The following TSPAN5 variants were observed in gnomAD, a reference collection of about 807,000 sequenced individuals.
TSPAN5 encodes the protein tetraspanin 5.
Under a neutral mutation model 37.1 loss-of-function variants are expected in TSPAN5, and 10 were observed. The observed-to-expected ratio is 0.27, with a 90% CI of 0.17 to 0.46. The LOEUF is 0.46. Among genes scored for constraint, TSPAN5 ranks in the 20% least tolerant of loss-of-function variants. The pLI is 1.00. For synonymous variants in TSPAN5, 110 were observed against 118.9 expected (o/e 0.93, Z 0.48); for missense variants, 195 against 326.6 (o/e 0.60, Z 3.11).
chr4:98,626,744 C>T (rs1007781510), intron 1 of TSPAN5, among the ~76,000 whole-genome samples: 1 of 152,120 alleles, frequency 6.6e-6, no homozygotes, highest in Non-Finnish European at 1.5e-5. Flanking sequence ...TTATCAAGAA[C>T]CTGCCCATCC....
At chr4:98,486,623 C>A in intron 3 of TSPAN5, 115 bp downstream of exon 3, 1 of 1,183,488 alleles carries the variant, frequency 8.4e-7, no homozygotes, top group East Asian at 2.4e-5. Context: ...GACCTGGGCC[C>A]TACTTTGGCC....
At chr4:98,634,635 A>G (rs927224438) in intron 1 of TSPAN5, among the ~76,000 whole-genome samples, 34 of 152,356 alleles carry the variant, frequency 2.2e-4, no homozygotes, top group African/African-American at 6.7e-4. Context: ...TATAATATAT[A>G]CCACCTCCTT....
chr4:98,588,069 C>T (rs1257063770), intron 1 of TSPAN5, among the ~76,000 whole-genome samples: 3 of 152,144 alleles, frequency 2.0e-5, no homozygotes, highest in Non-Finnish European at 4.4e-5. Context: ...GCCATCCTCC[C>T]GCCCTGCACA....
intron 2 of TSPAN5, among the ~76,000 whole-genome samples, chr4:98,487,264 A>G (rs577736697): frequency 3.3e-5 from 5 of 150,802 alleles, no homozygotes; most frequent in African/African-American, 1.2e-4. Context: ...AGAAAAGAAG[A>G]GCCCAAGAAA....
At chr4:98,633,125 A>G (rs1175707376) in intron 1 of TSPAN5, among the ~76,000 whole-genome samples, 1 of 152,192 alleles carries the variant, frequency 6.6e-6, no homozygotes, top group Non-Finnish European at 1.5e-5. Context: ...TGAGAGGGTT[A>G]CCAAGATTCT....
chr4:98,538,125 T>C (rs947771905), intron 1 of TSPAN5, among the ~76,000 whole-genome samples: 2 of 152,198 alleles, frequency 1.3e-5, no homozygotes, highest in Admixed American at 6.5e-5. Context: ...AAGGCTCAGG[T>C]TCCCCAAACT....
At chr4:98,551,249 T>C (rs1165244703) in intron 1 of TSPAN5, among the ~76,000 whole-genome samples, 23 of 152,152 alleles carry the variant, frequency 1.5e-4, no homozygotes, top group Admixed American at 1.5e-3. Context: ...CGGTATAGTA[T>C]CTTTTTGATG....
At chr4:98,648,905 A>G (rs1757124407) in intron 1 of TSPAN5, among the ~76,000 whole-genome samples, 1 of 152,216 alleles carries the variant, frequency 6.6e-6, no homozygotes, top group South Asian at 2.1e-4. Flanking sequence ...GGATGGACCT[A>G]CTGAACCAGA....
At chr4:98,529,545 T>A (rs1167503269) in intron 1 of TSPAN5, among the ~76,000 whole-genome samples, 4 of 152,320 alleles carry the variant, frequency 2.6e-5, no homozygotes, top group South Asian at 4.1e-4. Context: ...AAACACCATA[T>A]CGTCACTTTC....
intron 1 of TSPAN5, among the ~76,000 whole-genome samples, chr4:98,609,261 C>T (rs969576785): frequency 1.2e-4 from 16 of 133,084 alleles, no homozygotes; most frequent in South Asian, 2.7e-4. Flanking sequence ...CTATTTAGGT[C>T]GGATTTGCTG....
intron 1 of TSPAN5, among the ~76,000 whole-genome samples, chr4:98,616,270 G>C (rs1313816182): frequency 2.6e-5 from 4 of 152,040 alleles, no homozygotes; most frequent in African/African-American, 9.7e-5. Flanking sequence ...AGAGGTAAGA[G>C]GTGACCCCTT....
chr4:98,598,698 G>A (rs1032296219), intron 1 of TSPAN5, among the ~76,000 whole-genome samples: 1 of 152,074 alleles, frequency 6.6e-6, no homozygotes, highest in African/African-American at 2.4e-5. Flanking sequence ...CCAAGCTCAA[G>A]CGATCCATCC....
intron 1 of TSPAN5, among the ~76,000 whole-genome samples, chr4:98,657,020 A>G (rs1579060115): frequency 6.6e-6 from 1 of 151,922 alleles, no homozygotes; most frequent in South Asian, 2.1e-4. Flanking sequence ...AACTTAGAGA[A>G]CCCCCTACCC....
chr4:98,505,551 C>T (rs1421559796), intron 2 of TSPAN5, among the ~76,000 whole-genome samples: 1 of 152,212 alleles, frequency 6.6e-6, no homozygotes, highest in Non-Finnish European at 1.5e-5. Flanking sequence ...CTGTTGGCAA[C>T]TACTTCATCT....
intron 2 of TSPAN5, among the ~76,000 whole-genome samples, chr4:98,490,744 T>TA (rs1753067098): frequency 6.6e-6 from 1 of 152,194 alleles, no homozygotes; most frequent in Non-Finnish European, 1.5e-5. Flanking sequence ...TTTAAAATTT[T>TA]AAAAAACTGA....
At chr4:98,514,453 T>C (rs963648927) in intron 1 of TSPAN5, among the ~76,000 whole-genome samples, 1 of 152,188 alleles carries the variant, frequency 6.6e-6, no homozygotes, top group Non-Finnish European at 1.5e-5. Flanking sequence ...AAGGAGTAAC[T>C]GTGGGCTGGT....
chr4:98,479,942 T>C (rs959148446), intron 4 of TSPAN5, among the ~76,000 whole-genome samples: 4 of 152,176 alleles, frequency 2.6e-5, no homozygotes, highest in African/African-American at 9.7e-5. Flanking sequence ...CACCTCATAA[T>C]CAAATGACCT....
intron 2 of TSPAN5, among the ~76,000 whole-genome samples, chr4:98,491,774 C>A (rs541415251): frequency 5.5e-4 from 84 of 151,922 alleles, no homozygotes; most frequent in Admixed American, 1.1e-3. Flanking sequence ...GTTCAGTCTT[C>A]TGTTGTCCTA....
chr4:98,482,286 T>C (rs1752857330), intron 3 of TSPAN5, 111 bp from the exon 4 acceptor site: 5 of 888,726 alleles, frequency 5.6e-6, no homozygotes, highest in Middle Eastern at 2.9e-4. Flanking sequence ...TTGTTACACA[T>C]CTCCAAAGCA....
Sources: allele counts gnomAD v4.1 joint callset (sites outside exome capture counted in the v4.1 genomes callset), GRCh38; gene constraint gnomAD v4.1.1; transcripts MANE v1.5; gene names NCBI Gene and HGNC (gene_info 2026-07-23, HGNC 2026-07-21).